The following KLRG1 variants were observed in gnomAD, a reference collection of about 807,000 sequenced individuals.
KLRG1 encodes killer cell lectin-like receptor subfamily G member 1.
A neutral mutation model predicts 21.8 loss-of-function variants in KLRG1; 16 were observed. That is an observed-to-expected ratio of 0.73 (90% CI 0.50 to 1.11). The LOEUF is 1.11. KLRG1 is among the 50% of genes most tolerant of loss of function. KLRG1 has a pLI of 0.00. For synonymous variants in KLRG1, 69 were observed against 75.9 expected (o/e 0.91, Z 0.47); for missense variants, 173 against 218.3 (o/e 0.79, Z 1.31).
chr12:9,170,847 T>C, the KLRG1 span, among the ~76,000 whole-genome samples: 1 of 152,122 alleles, frequency 6.6e-6, no homozygotes, highest in Non-Finnish European at 1.5e-5. The surrounding 1 kb of genome is among the most constrained non-coding windows in gnomAD (Gnocchi z 4.6). Flanking sequence ...CTTTGATCTC[T>C]CCCTGGGACC....
At chr12:9,079,550 G>A in the KLRG1 span, 2 of 1,273,026 alleles carry the variant, frequency 1.6e-6, no homozygotes, top group South Asian at 2.8e-5. Context: ...CTAAGCTAAT[G>A]TATCATAATA....
At chr12:9,119,040 G>A in the KLRG1 span, among the ~76,000 whole-genome samples, 1,652 of 152,294 alleles carry the variant, frequency 0.011, 28 homozygotes, top group African/African-American at 0.036. Context: ...AGAGTGTGAG[G>A]TCTCTGAGTC....
At chr12:9,208,112 C>G in the KLRG1 span, 3 of 603,196 alleles carry the variant, frequency 5.0e-6, no homozygotes, top group Non-Finnish European at 9.0e-6. Flanking sequence ...AAATGAAAGA[C>G]AAACAAGGGA....
chr12:9,154,824 C>T, the KLRG1 span: 1 of 1,613,898 alleles, frequency 6.2e-7, no homozygotes, highest in South Asian at 1.1e-5. Flanking sequence ...AGGGCGCTCC[C>T]AATGGACGAG....
the KLRG1 span, among the ~76,000 whole-genome samples, chr12:9,100,511 T>C: frequency 2.0e-5 from 3 of 152,194 alleles, no homozygotes; most frequent in African/African-American, 7.2e-5. Context: ...ACTCCTGACC[T>C]CAAGAGATCC....
chr12:9,109,087 A>T, the KLRG1 span, among the ~76,000 whole-genome samples: 1 of 152,162 alleles, frequency 6.6e-6, no homozygotes, highest in Admixed American at 6.5e-5. Flanking sequence ...TCCTATTAGC[A>T]TAACCTCTCT....
the KLRG1 span, chr12:9,164,002 A>C: frequency 7.6e-7 from 1 of 1,319,374 alleles, no homozygotes; most frequent in Admixed American, 2.3e-5. Flanking sequence ...CATAGTGGAT[A>C]GAAATAGGAA....
the KLRG1 span, among the ~76,000 whole-genome samples, chr12:9,170,953 G>C: frequency 2.0e-5 from 3 of 152,192 alleles, no homozygotes; most frequent in South Asian, 6.2e-4. The surrounding 1 kb of genome is among the most constrained non-coding windows in gnomAD (Gnocchi z 4.6). Context: ...TGATCCAGGT[G>C]AGGAAGGATC....
chr12:9,122,864 A>C, the KLRG1 span, among the ~76,000 whole-genome samples: 2 of 152,136 alleles, frequency 1.3e-5, no homozygotes, highest in African/African-American at 4.8e-5. Context: ...GTTAAATTAC[A>C]AGTTATTTAT....
the KLRG1 span, chr12:9,074,737 C>T: frequency 1.9e-6 from 3 of 1,613,860 alleles, no homozygotes. Flanking sequence ...AAAAATGCCC[C>T]ACTGGTGCCT....
the KLRG1 span, among the ~76,000 whole-genome samples, chr12:9,020,305 T>G: frequency 1.3e-5 from 2 of 152,150 alleles, no homozygotes; most frequent in African/African-American, 4.8e-5. Context: ...TTTTGATAGG[T>G]GTATATATCC....
chr12:9,012,947 G>C (rs920143502), downstream of KLRG1, among the ~76,000 whole-genome samples: 1 of 152,188 alleles, frequency 6.6e-6, no homozygotes, highest in Non-Finnish European at 1.5e-5. Context: ...ACTCCAAGTT[G>C]TGGTGGCCAC....
chr12:9,087,034 A>G, the KLRG1 span, among the ~76,000 whole-genome samples: 1 of 152,216 alleles, frequency 6.6e-6, no homozygotes, highest in Non-Finnish European at 1.5e-5. Context: ...CCCATTTACA[A>G]TAGCTATAAA....
At chr12:9,166,097 C>T in the KLRG1 span, 84 of 1,612,574 alleles carry the variant, frequency 5.2e-5, 1 homozygote, top group Middle Eastern at 1.7e-4. Context: ...AAAATAGCTT[C>T]GCACCGTTTC....
chr12:9,072,209 T>C, the KLRG1 span: 1 of 909,416 alleles, frequency 1.1e-6, no homozygotes, highest in Non-Finnish European at 1.6e-6. Context: ...AACCCCATCA[T>C]TGAGAAATTA....
chr12:9,101,087 T>C, the KLRG1 span: 16 of 1,478,480 alleles, frequency 1.1e-5, no homozygotes, highest in African/African-American at 2.8e-5. Context: ...ACTTCCGTGG[T>C]GTAAGGCTGA....
At chr12:8,973,658 A>T (rs1946608912) in intron 1 of KLRG1, among the ~76,000 whole-genome samples, 1 of 152,252 alleles carries the variant, frequency 6.6e-6, no homozygotes, top group South Asian at 2.1e-4. Context: ...ATATTTTAAC[A>T]GTAATAATTC....
chr12:9,116,079 A>G, the KLRG1 span: 3 of 519,884 alleles, frequency 5.8e-6, no homozygotes, highest in African/African-American at 5.8e-5. Context: ...CGGGCTAAAT[A>G]GAATCCCTGG....
the KLRG1 span, among the ~76,000 whole-genome samples, chr12:9,159,623 A>G: frequency 6.6e-6 from 1 of 152,012 alleles, no homozygotes; most frequent in South Asian, 2.1e-4. Flanking sequence ...CCCAGTCTCT[A>G]CAAAGTAAAA....
Sources: allele counts gnomAD v4.1 joint callset (sites outside exome capture counted in the v4.1 genomes callset), GRCh38; gene constraint gnomAD v4.1.1; non-coding constraint Gnocchi (gnomAD v3.1); transcripts MANE v1.5; gene names NCBI Gene and HGNC (gene_info 2026-07-23, HGNC 2026-07-21).